The following FGF12 variants were observed in gnomAD, a reference collection of about 807,000 sequenced individuals.
The protein encoded by FGF12 is fibroblast growth factor 12.
Under a neutral mutation model 23.6 loss-of-function variants are expected in FGF12, and 14 were observed. That is an observed-to-expected ratio of 0.59 (90% CI 0.39 to 0.93). The LOEUF (loss-of-function observed/expected upper bound fraction) is 0.93. Ranked by LOEUF, FGF12 falls within the 40% of genes least tolerant of loss-of-function variation. The pLI is 0.00. For missense variants in FGF12, 175 were observed against 217.8 expected, an observed-to-expected ratio of 0.80 and a Z score of 1.24; for synonymous variants, 62 against 77.3, an observed-to-expected ratio of 0.80 and a Z score of 1.04.
chr3:192,233,974 T>C lies in FGF12; in HGVS notation c.229-63318A>G, dbSNP rs543185224. Among the ~76,000 whole-genome samples the C allele has an allele frequency of 2.6e-5, 4 of 152,304 alleles. No individual in the cohort carries two copies. The South Asian group carries it at 8.3e-4, about 32-fold the overall frequency. ...TATCTATTACTGTCACCCTGTAATA[T>C]AGTTTGAAGTTTGATAGTGTGATGC... is the stretch of plus-strand genomic sequence containing the variant. On this transcript the variant is annotated intron_variant, in intron 4 of 5. Transcript: ENST00000445105.
chr3:192,644,933 A>T (rs182694756), intron 2 of FGF12, among the ~76,000 whole-genome samples: 15 of 152,270 alleles, frequency 9.9e-5, no homozygotes, highest in African/African-American at 3.1e-4. Flanking sequence ...GAAATATATG[A>T]CATTTGGGCA....
At chr3:192,158,383 T>TATCTTTCTTC (rs1553844143) in intron 5 of FGF12, among the ~76,000 whole-genome samples, 1 of 85,810 alleles carries the variant, frequency 1.2e-5, no homozygotes, top group Non-Finnish European at 2.2e-5. Flanking sequence ...TCTTTCTTTC[T>TATCTTTCTTC]TTTCTTTCTC....
chr3:192,716,456 C>T (rs912275926), intron 2 of FGF12, among the ~76,000 whole-genome samples: 6 of 152,176 alleles, frequency 3.9e-5, no homozygotes, highest in South Asian at 2.1e-4. Flanking sequence ...CACTGCCACT[C>T]AGTTTTTATT....
chr3:192,446,422 A>G (rs1034372241), intron 2 of FGF12, among the ~76,000 whole-genome samples: 1 of 152,220 alleles, frequency 6.6e-6, no homozygotes, highest in Non-Finnish European at 1.5e-5. Context: ...ACAGTGATGT[A>G]TCACGGAAGC....
rs140525094 is a variant in FGF12 at position 192,510,875 on chromosome 3, G to T, written c.14-150337C>A. Among the ~76,000 whole-genome samples the T allele has an allele frequency of 3.8e-3, 586 of 152,230 alleles. 3 individuals are homozygous for T. Among genetic ancestry groups the T allele is most frequent in the African/African-American group, 0.014 (570 of 41,526 alleles). ...TAAGTGAAAGAAGTCAATATAAAAA[G>T]GCTACACACTATATTATTCCAACCA... is the stretch of plus-strand genomic sequence containing the variant. On this transcript the variant is annotated intron_variant, in intron 2 of 5. Transcript: ENST00000445105.
intron 2 of FGF12, among the ~76,000 whole-genome samples, chr3:192,416,590 T>A (rs1009284796): frequency 6.6e-6 from 1 of 152,146 alleles, no homozygotes; most frequent in Non-Finnish European, 1.5e-5. Context: ...TATCCCTAAA[T>A]TAGCATTGTT....
At chr3:192,398,619 T>A (rs145886409) in intron 2 of FGF12, among the ~76,000 whole-genome samples, 34,650 of 152,110 alleles carry the variant, frequency 0.23, 5,086 homozygotes, top group Non-Finnish European at 0.33. Context: ...TAACCTCAAG[T>A]GATCTGCCCG....
At chr3:192,556,888 C>T (rs1711803231) in intron 2 of FGF12, among the ~76,000 whole-genome samples, 1 of 151,852 alleles carries the variant, frequency 6.6e-6, no homozygotes, top group African/African-American at 2.4e-5. Flanking sequence ...AAATTAAAAG[C>T]AGAAAGAAAA....
At chr3:192,221,980 A>T (rs1175637568) in intron 4 of FGF12, among the ~76,000 whole-genome samples, 5 of 152,232 alleles carry the variant, frequency 3.3e-5, no homozygotes, top group Non-Finnish European at 7.3e-5. Flanking sequence ...TTGCCTTATA[A>T]TTCAAATTAC....
intron 4 of FGF12, among the ~76,000 whole-genome samples, chr3:192,286,512 C>T (rs192094980): frequency 6.6e-6 from 1 of 152,024 alleles, no homozygotes; most frequent in African/African-American, 2.4e-5. Flanking sequence ...GGGATCATGA[C>T]CAGTTTTGGT....
intron 4 of FGF12, among the ~76,000 whole-genome samples, chr3:192,241,665 G>A (rs1719625127): frequency 6.6e-6 from 1 of 151,988 alleles, no homozygotes; most frequent in Admixed American, 6.6e-5. Context: ...CTTTAAAGAT[G>A]GGAAAGGATA....
At chr3:192,299,891 ATACATTGATT>A (rs1715245452) in intron 4 of FGF12, among the ~76,000 whole-genome samples, 1 of 152,190 alleles carries the variant, frequency 6.6e-6, no homozygotes, top group Non-Finnish European at 1.5e-5. Flanking sequence ...CTTTCCACAG[ATACATTGATT>A]CTATTAGATA....
intron 3 of FGF12, among the ~76,000 whole-genome samples, chr3:192,353,639 G>T (rs1718330211): frequency 6.6e-6 from 1 of 152,042 alleles, no homozygotes; most frequent in Admixed American, 6.6e-5. Flanking sequence ...AGAGTGCTGG[G>T]ATTACAGGCA....
chr3:192,239,563 G>A (rs1719489156), intron 4 of FGF12, among the ~76,000 whole-genome samples: 1 of 152,164 alleles, frequency 6.6e-6, no homozygotes, highest in South Asian at 2.1e-4. Context: ...ACAGCAAGAG[G>A]TGAGCAGCGG....
At chr3:192,377,521 T>A (rs1719575695) in intron 2 of FGF12, among the ~76,000 whole-genome samples, 1 of 152,224 alleles carries the variant, frequency 6.6e-6, no homozygotes, top group African/African-American at 2.4e-5. Flanking sequence ...CAGATTACAA[T>A]AGTCAAAGTC....
intron 2 of FGF12, among the ~76,000 whole-genome samples, chr3:192,612,778 T>A (rs780897665): frequency 6.6e-6 from 1 of 151,990 alleles, no homozygotes; most frequent in Non-Finnish European, 1.5e-5. Flanking sequence ...TAGGGACATT[T>A]AAGCCAATAA....
At chr3:192,243,144 C>A (rs1233802425) in intron 4 of FGF12, among the ~76,000 whole-genome samples, 1 of 151,946 alleles carries the variant, frequency 6.6e-6, no homozygotes, top group Non-Finnish European at 1.5e-5. Context: ...GATTCAACTT[C>A]ATAAAGATGT....
At position 192,622,141 on chromosome 3, in the gene FGF12, TG is replaced by T. The variant is rs1302120134; in HGVS notation, c.13+105039del. ...TTCTCTGTGCCAACTGGTATGTAGA[TG>T]TAATCATTTCCACAGCATGCCCTCC... On this transcript the variant is annotated intron_variant, in intron 2 of 5. Coordinates refer to ENST00000445105, the MANE Select transcript of FGF12 (RefSeq NM_004113.6). Among the ~76,000 whole-genome samples the T allele has an allele frequency of 2.0e-5, 3 of 152,100 alleles. No individual in the cohort carries two copies. The South Asian group carries it at 6.2e-4, about 32-fold the overall frequency.
chr3:192,524,195 C>T (rs1577035555), intron 2 of FGF12, among the ~76,000 whole-genome samples: 1 of 152,166 alleles, frequency 6.6e-6, no homozygotes, highest in Non-Finnish European at 1.5e-5. Flanking sequence ...GATGCTGCCC[C>T]TGGTTTTGAT....
Sources: allele counts gnomAD v4.1 joint callset (sites outside exome capture counted in the v4.1 genomes callset), GRCh38; gene constraint gnomAD v4.1.1; transcripts MANE v1.5; gene names NCBI Gene and HGNC (gene_info 2026-07-23, HGNC 2026-07-21).